The following SDC1 variants were observed in gnomAD, a reference collection of about 807,000 sequenced individuals.
The protein encoded by SDC1 is syndecan-1.
In SDC1, 14 loss-of-function variants were observed where a neutral mutation model predicts 29.7. The observed-to-expected ratio is 0.47, with a 90% CI of 0.31 to 0.74. The LOEUF is 0.74. SDC1 is among the 30% of genes least tolerant of loss of function. The pLI is 0.05. For missense variants in SDC1, 406 were observed against 400.3 expected, an observed-to-expected ratio of 1.01 and a Z score of -0.12; for synonymous variants, 204 against 175.5, an observed-to-expected ratio of 1.16 and a Z score of -1.29.
At position 20,224,771 on chromosome 2, in the gene SDC1, G is replaced by A. The variant is rs1454399439; in HGVS notation, c.66+31C>T. The A allele has an allele frequency of 1.5e-6, 2 of 1,299,220 alleles. No individual in the cohort carries two copies. The highest frequency in any genetic ancestry group is 4.4e-5 in the South Asian group (2 of 45,804). 80.5% of individuals were successfully genotyped at this position (1,299,220 alleles called of 1,614,324 possible). A position where few individuals can be genotyped will look rare whatever the true frequency, so the allele number is the denominator to read the frequency against. The stretch of plus-strand genomic sequence containing the variant: ...GGGTGACCAGTCCCGGCTTCCCGCC[G>A]CCTCCCCGCCTGGCCGCCGGCCGCA... On this transcript the variant is annotated intron_variant, in intron 1 of 4. Coordinates refer to ENST00000254351, the MANE Select transcript of SDC1 (RefSeq NM_002997.5). The surrounding 1 kb of genome is among the most constrained non-coding windows in gnomAD (Gnocchi z 4.9).
At chr2:20,215,546 G>C (rs955278732) in intron 1 of SDC1, among the ~76,000 whole-genome samples, 1 of 152,250 alleles carries the variant, frequency 6.6e-6, no homozygotes, top group Non-Finnish European at 1.5e-5. Flanking sequence ...CTCAGGCTGG[G>C]TCAGACTGCA....
At chr2:20,215,357 C>T (rs960618781) in intron 1 of SDC1, among the ~76,000 whole-genome samples, 9 of 152,194 alleles carry the variant, frequency 5.9e-5, no homozygotes, top group African/African-American at 1.7e-4. Context: ...CAACCCAGCC[C>T]GTACCTTCTC....
chr2:20,224,806 A>G lies in SDC1; in HGVS notation c.62T>C (p.Leu21Pro). The G allele has an allele frequency of 7.7e-7, 1 of 1,303,298 alleles. No homozygotes were observed. The highest frequency in any genetic ancestry group is 9.7e-7 in the Non-Finnish European group (1 of 1,026,080). The allele number at this position is 1,303,298 out of a possible 1,614,324, so 80.7% of individuals were successfully genotyped here. ...CTGGCCGCCGGCCGCACTCACCGGC[A>G]GGGCCGGCTGCAGGCTCAGCGCCAG... is the stretch of plus-strand genomic sequence containing the variant. Reference protein sequence around the residue: ...CALALSLQPALPQIVATNLPP... With the variant: ...CALALSLQPAPPQIVATNLPP... The change falls in exon 1 of 5, where the codon CTG (leucine) becomes CCG (proline). Residue 21 changes from leucine to proline, a missense_variant. Coordinates refer to ENST00000254351, the MANE Select transcript of SDC1 (RefSeq NM_002997.5). The surrounding 1 kb of genome is among the most constrained non-coding windows in gnomAD (Gnocchi z 4.9).
At position 20,224,178 on chromosome 2, in the gene SDC1, C is replaced by A. The variant is rs1330895558; in HGVS notation, c.66+624G>T. 5 of 426,152 alleles carry A rather than the reference C, an allele frequency of 1.2e-5. No homozygotes were observed. The highest frequency in any genetic ancestry group is 2.3e-5 in the Non-Finnish European group (5 of 213,786). The allele number at this position is 426,152 out of a possible 1,614,324, so 26.4% of individuals were successfully genotyped here. On this transcript the variant is annotated intron_variant, in intron 1 of 4. Coordinates refer to ENST00000254351, the MANE Select transcript of SDC1 (RefSeq NM_002997.5). This position sits in a 1 kb window ranked among gnomAD's most constrained non-coding sequence, Gnocchi z 4.9. The stretch of plus-strand genomic sequence containing the variant: ...TTCCCGGAACCTCCCGCTGCCGGGC[C>A]GGCTCAGCTCACCTCGAGCCGCCCA...
chr2:20,223,998 G>A (rs1045680766), intron 1 of SDC1, among the ~76,000 whole-genome samples: 3 of 152,176 alleles, frequency 2.0e-5, no homozygotes, highest in Non-Finnish European at 2.9e-5. Flanking sequence ...GCACAAAGCC[G>A]AGCCGGGGAG....
rs1317670609 is a variant in SDC1, at chr2:20,224,617, G to A, written c.66+185C>T. On this transcript the variant is annotated intron_variant, in intron 1 of 4. Coordinates refer to ENST00000254351, the MANE Select transcript of SDC1 (RefSeq NM_002997.5). This position sits in a 1 kb window ranked among gnomAD's most constrained non-coding sequence, Gnocchi z 4.9. ...GCGCGGGACCGGTGCGGCACCCACC[G>A]ACAGCGGAGGAAATTGGGGCTGGAG... 4.0e-5 allele frequency among the ~76,000 whole-genome samples: 6 copies of A among 151,716 alleles called. No individual in the cohort carries two copies. Among genetic ancestry groups the A allele is most frequent in the Non-Finnish European group, 8.8e-5 (6 of 67,856 alleles).
chr2:20,216,911 G>A (rs1391053888), intron 1 of SDC1, among the ~76,000 whole-genome samples: 1 of 152,202 alleles, frequency 6.6e-6, no homozygotes, highest in African/African-American at 2.4e-5. Context: ...TCCACAGAGA[G>A]AGCCAGGCAG....
At chr2:20,207,141 C>T (rs1677299684) in intron 1 of SDC1, among the ~76,000 whole-genome samples, 1 of 152,258 alleles carries the variant, frequency 6.6e-6, no homozygotes, top group Admixed American at 6.5e-5. Flanking sequence ...AGACCTCCTG[C>T]CTCCTGAGGC....
chr2:20,211,478 G>A (rs929312564), intron 1 of SDC1, among the ~76,000 whole-genome samples: 4 of 152,320 alleles, frequency 2.6e-5, no homozygotes, highest in African/African-American at 9.6e-5. Flanking sequence ...AGCACACCAC[G>A]GTGGCAGCCC....
chr2:20,203,742 G>A (rs79429703), intron 3 of SDC1, 71 bp downstream of exon 3: 2 of 1,137,678 alleles, frequency 1.8e-6, no homozygotes, highest in African/African-American at 1.6e-5. Context: ...GGGCACAGGT[G>A]TAGGGCCTGC....
chr2:20,220,369 A>G (rs72785206), intron 1 of SDC1, among the ~76,000 whole-genome samples: 48,623 of 152,058 alleles, frequency 0.32, 7,947 homozygotes, highest in Middle Eastern at 0.38. Flanking sequence ...ATGCGCACAC[A>G]CACACACACT....
chr2:20,218,080 T>A (rs971487712), intron 1 of SDC1, among the ~76,000 whole-genome samples: 6 of 152,104 alleles, frequency 3.9e-5, no homozygotes, highest in African/African-American at 1.4e-4. Flanking sequence ...AACAAGTCCT[T>A]CAGTGCCACC....
intron 1 of SDC1, among the ~76,000 whole-genome samples, chr2:20,217,910 C>T (rs1048896744): frequency 4.6e-5 from 7 of 152,206 alleles, no homozygotes. Flanking sequence ...GTCACCCAGG[C>T]ACCTCTGTCC....
At chr2:20,209,898 G>A (rs1337387642) in intron 1 of SDC1, among the ~76,000 whole-genome samples, 1 of 152,250 alleles carries the variant, frequency 6.6e-6, no homozygotes, top group Non-Finnish European at 1.5e-5. Context: ...AGCGGGCCCA[G>A]TCGCTAACCC....
intron 1 of SDC1, among the ~76,000 whole-genome samples, chr2:20,211,151 G>T (rs560955477): frequency 6.6e-6 from 1 of 152,036 alleles, no homozygotes; most frequent in Non-Finnish European, 1.5e-5. Flanking sequence ...TCAGCTTCAG[G>T]GTCCCCAAGA....
At chr2:20,218,526 C>CGG (rs1174942075) in intron 1 of SDC1, among the ~76,000 whole-genome samples, 14 of 146,724 alleles carry the variant, frequency 9.5e-5, no homozygotes, top group Non-Finnish European at 7.4e-5. Flanking sequence ...ACCACACACA[C>CGG]AGACACACAC....
intron 2 of SDC1, 85 bp from the exon 3 acceptor site, chr2:20,204,376 C>T (rs1677179902): frequency 3.5e-6 from 3 of 853,070 alleles, no homozygotes; most frequent in African/African-American, 3.4e-5. Flanking sequence ...TCGGGGGAGG[C>T]TCCAGAGCAC....
chr2:20,203,661 G>A lies in SDC1; in HGVS notation c.627+152C>T, dbSNP rs193110070. Reference sequence around the variant, plus strand: ...ATAGTTAGTCTGTCCTGCTCTGGGCGAGGCCCTGGGGGTAGGGGAAGGCGG... The same window carrying A: ...ATAGTTAGTCTGTCCTGCTCTGGGCAAGGCCCTGGGGGTAGGGGAAGGCGG... On this transcript the variant is annotated intron_variant, in intron 3 of 4. Coordinates refer to ENST00000254351, the MANE Select transcript of SDC1 (RefSeq NM_002997.5). The A allele has an allele frequency of 3.1e-5, 21 of 670,244 alleles. No homozygotes were observed. In the East Asian group the frequency reaches 3.3e-4, roughly 10 times the overall value. The allele number at this position is 670,244 out of a possible 1,614,324, so 41.5% of individuals were successfully genotyped here. A position where few individuals can be genotyped will look rare whatever the true frequency, so the allele number is the denominator to read the frequency against.
At position 20,204,164 on chromosome 2, in the gene SDC1, G is replaced by A. The variant is rs780780991; in HGVS notation, c.276C>T (p.Thr92=). Reference sequence around the variant, plus strand: ...CCTTGGGCCCCTCTCCAGCCGGCAGGGTGGAGGTGGAGGCAGCTGTAGCCT... The same window carrying A: ...CCTTGGGCCCCTCTCCAGCCGGCAGAGTGGAGGTGGAGGCAGCTGTAGCCT... The part of the protein sequence containing the change: ...GLEATAASTS[T]LPAGEGPKEG... The change falls in exon 3 of 5, where the codon ACC becomes ACT. Residue 92 remains threonine, a synonymous_variant. Coordinates refer to ENST00000254351, the MANE Select transcript of SDC1 (RefSeq NM_002997.5). 87 of 1,600,832 alleles carry A rather than the reference G, an allele frequency of 5.4e-5. No homozygotes were observed. The South Asian group carries it at 5.6e-4, about 10-fold the overall frequency.
Sources: gnomAD v4.1 joint callset for allele counts (sites outside exome capture counted in the v4.1 genomes callset) on GRCh38, gnomAD v4.1.1 for gene constraint, Gnocchi (gnomAD v3.1) non-coding constraint, MANE v1.5 for transcripts, NCBI Gene and HGNC (gene_info 2026-07-23, HGNC 2026-07-21) for gene names.